The following WWOX variants were observed in gnomAD, a reference collection of about 807,000 sequenced individuals.
WWOX encodes WW domain-containing oxidoreductase.
A neutral mutation model predicts 46.2 loss-of-function variants in WWOX; 69 were observed. The ratio of observed to expected loss-of-function variants is 1.49; its 90% CI spans 1.23 to 1.82. The LOEUF is 1.82. Ranked by LOEUF, WWOX falls within the 40% of genes most tolerant of loss-of-function variation. The pLI is 0.00. For missense variants in WWOX, 919 were observed against 542.6 expected, an observed-to-expected ratio of 1.69 and a Z score of -6.89; for synonymous variants, 359 against 202.6, an observed-to-expected ratio of 1.77 and a Z score of -6.56.
chr16:78,444,013 A>T (rs185446712), intron 8 of WWOX, among the ~76,000 whole-genome samples: 2 of 152,292 alleles, frequency 1.3e-5, no homozygotes, highest in East Asian at 3.9e-4. Context: ...CTCACTGGAC[A>T]TGTTGATTTT....
intron 5 of WWOX, among the ~76,000 whole-genome samples, chr16:78,271,735 C>T (rs989376650): frequency 1.3e-5 from 2 of 152,238 alleles, no homozygotes; most frequent in African/African-American, 4.8e-5. Flanking sequence ...ACATGGGACT[C>T]TGCCCAGCGA....
At chr16:78,345,439 G>A (rs1375723596) in intron 5 of WWOX, among the ~76,000 whole-genome samples, 2 of 67,674 alleles carry the variant, frequency 3.0e-5, no homozygotes, top group East Asian at 5.7e-4. Flanking sequence ...TGAGCACCAT[G>A]GCAAAACCCC....
intron 5 of WWOX, among the ~76,000 whole-genome samples, chr16:78,300,337 C>T (rs964026253): frequency 9.2e-5 from 14 of 152,058 alleles, no homozygotes; most frequent in Admixed American, 7.2e-4. Flanking sequence ...GAGTGACCCT[C>T]GGAAAGGAAA....
At position 78,952,131 on chromosome 16, in the gene WWOX, TATC is replaced by T. The variant is rs147050712; in HGVS notation, c.1057-259474_1057-259472del. Among the ~76,000 whole-genome samples the T allele has an allele frequency of 2.1e-4, 32 of 152,164 alleles. 1 individual carries two copies. In the East Asian group the frequency reaches 5.2e-3, roughly 25 times the overall value. On this transcript the variant is annotated intron_variant, in intron 8 of 8. Transcript: ENST00000566780. ...CCTTCCCTGTCTCATTTCTCACTGT[TATC>T]ATTGTAACCCTCTACCCTCTCTTTT...
Position 78,338,419 on chromosome 16 carries a change from A to AT in WWOX, c.517-48433dup, listed in dbSNP as rs1406933773. Among the ~76,000 whole-genome samples the AT allele has an allele frequency of 3.5e-4, 42 of 119,646 alleles. 11 individuals carry two copies. The highest frequency in any genetic ancestry group is 1.5e-3 in the Admixed American group (19 of 12,308). 78.5% of individuals were successfully genotyped at this position (119,646 alleles called of 152,430 possible). A position where few individuals can be genotyped will look rare whatever the true frequency, so the allele number is the denominator to read the frequency against. On this transcript the variant is annotated intron_variant, in intron 5 of 8. Transcript: ENST00000566780. ...ATTATCCTTGCAAAATTGTCTGTTT[A>AT]TTTTTTTTGCCCTTTTGGGGGACAA...
intron 8 of WWOX, among the ~76,000 whole-genome samples, chr16:78,930,636 G>T (rs966179482): frequency 5.3e-5 from 8 of 150,794 alleles, no homozygotes; most frequent in East Asian, 3.9e-4. Flanking sequence ...CAGTTTGAAG[G>T]CACCATTATT....
chr16:78,385,131 C>G (rs2082033590), intron 5 of WWOX, among the ~76,000 whole-genome samples: 1 of 26,446 alleles, frequency 3.8e-5, no homozygotes, highest in Non-Finnish European at 7.7e-5. Flanking sequence ...GAGACTCCAT[C>G]TAAACACACA....
At chr16:78,142,361 C>G (rs914987704) in intron 4 of WWOX, among the ~76,000 whole-genome samples, 2 of 152,142 alleles carry the variant, frequency 1.3e-5, no homozygotes, top group Admixed American at 6.5e-5. Context: ...TGTGTTATAG[C>G]CACAGGAACT....
chr16:78,541,200 C>T (rs565023507), intron 8 of WWOX, among the ~76,000 whole-genome samples: 16 of 152,006 alleles, frequency 1.1e-4, no homozygotes, highest in African/African-American at 3.1e-4. Context: ...TACGGCCGGG[C>T]GCGGTGGCTC....
At chr16:78,835,157 G>A (rs2051944619) in intron 8 of WWOX, among the ~76,000 whole-genome samples, 1 of 152,130 alleles carries the variant, frequency 6.6e-6, no homozygotes, top group East Asian at 1.9e-4. Flanking sequence ...TGCTCCGACA[G>A]CCTTGCTTTT....
intron 8 of WWOX, among the ~76,000 whole-genome samples, chr16:78,679,973 A>C (rs1344535976): frequency 6.6e-6 from 1 of 152,204 alleles, no homozygotes; most frequent in Non-Finnish European, 1.5e-5. Flanking sequence ...GACCTGGCTT[A>C]GGACCCCAGC....
intron 1 of WWOX, among the ~76,000 whole-genome samples, chr16:78,107,623 C>T (rs527363208): frequency 3.4e-4 from 52 of 152,150 alleles, no homozygotes; most frequent in African/African-American, 1.3e-3. Context: ...CCTCTTGGGA[C>T]CAGTTAGGAA....
chr16:79,006,491 C>A (rs1350976992), intron 8 of WWOX, among the ~76,000 whole-genome samples: 1 of 151,702 alleles, frequency 6.6e-6, no homozygotes, highest in Admixed American at 6.6e-5. Flanking sequence ...CTTTTAGCCC[C>A]TGATCTGAGT....
At chr16:78,333,585 A>G (rs758686685) in intron 5 of WWOX, among the ~76,000 whole-genome samples, 3 of 152,210 alleles carry the variant, frequency 2.0e-5, no homozygotes, top group Non-Finnish European at 4.4e-5. Flanking sequence ...TAAAACATGC[A>G]TATATACATA....
chr16:78,782,669 T>C (rs2050359739), intron 8 of WWOX, among the ~76,000 whole-genome samples: 1 of 149,162 alleles, frequency 6.7e-6, no homozygotes, highest in Non-Finnish European at 1.5e-5. Context: ...TCTATATCTT[T>C]TTTTTTTTTT....
chr16:78,186,188 T>C (rs2035696919), intron 5 of WWOX, among the ~76,000 whole-genome samples: 1 of 152,104 alleles, frequency 6.6e-6, no homozygotes, highest in Non-Finnish European at 1.5e-5. Flanking sequence ...ATTTGAGACA[T>C]ACTAGGTTAA....
intron 4 of WWOX, among the ~76,000 whole-genome samples, chr16:78,117,007 A>G (rs1169899278): frequency 6.6e-6 from 1 of 152,236 alleles, no homozygotes; most frequent in African/African-American, 2.4e-5. Context: ...TTGGTTCAGA[A>G]TATTAAAAGG....
intron 8 of WWOX, among the ~76,000 whole-genome samples, chr16:78,916,319 G>C (rs2045250901): frequency 6.6e-6 from 1 of 152,150 alleles, no homozygotes; most frequent in African/African-American, 2.4e-5. Context: ...GTTTCCTTTA[G>C]ATAAAACAAT....
chr16:78,843,528 T>G (rs988334577), intron 8 of WWOX, among the ~76,000 whole-genome samples: 1 of 150,094 alleles, frequency 6.7e-6, no homozygotes. Flanking sequence ...TGACATGTTT[T>G]GACTCTTTGA....
Sources: gnomAD v4.1 joint callset for allele counts (sites outside exome capture counted in the v4.1 genomes callset) on GRCh38, gnomAD v4.1.1 for gene constraint, MANE v1.5 for transcripts, NCBI Gene and HGNC (gene_info 2026-07-23, HGNC 2026-07-21) for gene names.